Variants in MALRD1 observed in about 807,000 individuals in gnomAD.
MALRD1 encodes MAM and LDL-receptor class A domain-containing protein 1.
A neutral mutation model predicts 242.1 loss-of-function variants in MALRD1; 247 were observed. The observed-to-expected ratio is 1.02, with a 90% CI of 0.92 to 1.13. The LOEUF (loss-of-function observed/expected upper bound fraction) is 1.13. Among genes scored for constraint, MALRD1 ranks in the 50% most tolerant of loss-of-function variants. The probability of loss-of-function intolerance (pLI) is 0.00; values close to 1 mark genes in which losing one functional copy is unlikely to be tolerated. For synonymous variants in MALRD1, 995 were observed against 866.6 expected (o/e 1.15, Z -2.60); for missense variants, 2,989 against 2,533.1 (o/e 1.18, Z -3.86).
chr10:19,185,419 GA>G (rs142717071), intron 14 of MALRD1, among the ~76,000 whole-genome samples: 57 of 146,528 alleles, frequency 3.9e-4, no homozygotes, highest in African/African-American at 1.1e-3. Context: ...CTACTCATGA[GA>G]AAAAAAAAAC....
intron 1 of MALRD1, among the ~76,000 whole-genome samples, chr10:19,053,755 C>T (rs555862271): frequency 9.9e-5 from 15 of 151,720 alleles, no homozygotes; most frequent in East Asian, 3.9e-4. Context: ...GTATTCCACA[C>T]GCAGTCTTTT....
rs1839135197 is a variant in MALRD1 at position 19,615,920 on chromosome 10, G to T, written c.6134G>T (p.Cys2045Phe). 2.0e-6 allele frequency: 3 copies of T among 1,525,614 alleles called. No homozygotes were observed. Among genetic ancestry groups the T allele is most frequent in the Non-Finnish European group, 2.6e-6 (3 of 1,142,206 alleles). 94.5% of individuals were successfully genotyped at this position (1,525,614 alleles called of 1,614,324 possible). A position where few individuals can be genotyped will look rare whatever the true frequency, so the allele number is the denominator to read the frequency against. Reference sequence around the variant, plus strand: ...GTAGTGGAGAAAAATGGTCCTATGTGTCGGTAAGAAGCATTGTTTAATTTT... The same window carrying T: ...GTAGTGGAGAAAAATGGTCCTATGTTTCGGTAAGAAGCATTGTTTAATTTT... ...TCVVEKNGPM[C>F]RCRQGWKGNR... The change falls in exon 36 of 40, where the codon TGT becomes TTT. Residue 2045 changes from cysteine to phenylalanine, a missense_variant. Coordinates refer to ENST00000454679, the MANE Select transcript of MALRD1 (RefSeq NM_001142308.3).
At chr10:19,072,918 C>T (rs369515913) in intron 2 of MALRD1, among the ~76,000 whole-genome samples, 1 of 151,854 alleles carries the variant, frequency 6.6e-6, no homozygotes, top group Non-Finnish European at 1.5e-5. Context: ...ACCTTCCCCC[C>T]CTTTTTTTTC....
intron 24 of MALRD1, among the ~76,000 whole-genome samples, chr10:19,339,390 G>A (rs1407616887): frequency 2.0e-5 from 3 of 152,026 alleles, no homozygotes; most frequent in East Asian, 1.9e-4. Flanking sequence ...GCCAATTCAC[G>A]TTTTCAACAT....
chr10:19,700,059 C>T (rs929503670), intron 38 of MALRD1, among the ~76,000 whole-genome samples: 1 of 150,236 alleles, frequency 6.7e-6, no homozygotes, highest in African/African-American at 2.5e-5. Context: ...CACACACACA[C>T]ACGAAATCAT....
intron 38 of MALRD1, among the ~76,000 whole-genome samples, chr10:19,703,573 C>G (rs751115740): frequency 6.6e-6 from 1 of 152,168 alleles, no homozygotes; most frequent in Non-Finnish European, 1.5e-5. Context: ...ATGTAATCAT[C>G]AAATCTATAT....
intron 28 of MALRD1, among the ~76,000 whole-genome samples, chr10:19,433,159 A>T (rs1304155612): frequency 2.6e-5 from 4 of 152,204 alleles, no homozygotes; most frequent in Admixed American, 6.5e-5. Context: ...CATACCAGGG[A>T]AAACTGTATA....
upstream of MALRD1, among the ~76,000 whole-genome samples, chr10:19,047,173 AG>A (rs1288993974): frequency 6.6e-6 from 1 of 152,190 alleles, no homozygotes; most frequent in Non-Finnish European, 1.5e-5. Context: ...AATACCAGAC[AG>A]GGTGATTAAT....
In MALRD1 at chr10:19,431,403, A is replaced by G. The variant is rs557599541; in HGVS notation, c.4846-18904A>G. On this transcript the variant is annotated intron_variant, in intron 28 of 39. Transcript: ENST00000454679. ...TTGTATATTGTTAAGGAAATACAAA[A>G]TAGCTTTTCTATTTTGGAGAATCCA... 1.1e-4 allele frequency among the ~76,000 whole-genome samples: 17 copies of G among 152,324 alleles called. No individual in the cohort carries two copies. In the East Asian group the frequency reaches 3.3e-3, roughly 29 times the overall value.
chr10:19,695,905 G>C (rs1833357248), intron 38 of MALRD1, among the ~76,000 whole-genome samples: 1 of 152,074 alleles, frequency 6.6e-6, no homozygotes, highest in South Asian at 2.1e-4. Flanking sequence ...GATCTTGTGA[G>C]ACGTAATCAC....
chr10:19,716,158 ATATAT>A (rs1156340467), intron 38 of MALRD1, among the ~76,000 whole-genome samples: 1 of 152,240 alleles, frequency 6.6e-6, no homozygotes, highest in Non-Finnish European at 1.5e-5. Flanking sequence ...ATTTGTTGAA[ATATAT>A]TAAACACATT....
At chr10:19,072,202 C>T (rs550371644) in intron 2 of MALRD1, among the ~76,000 whole-genome samples, 4 of 152,240 alleles carry the variant, frequency 2.6e-5, no homozygotes, top group Non-Finnish European at 5.9e-5. Flanking sequence ...AAATTTCCAT[C>T]GAACAACTCA....
At chr10:19,134,058 G>A (rs1833226351) in intron 9 of MALRD1, 110 bp downstream of exon 9, 4 of 434,734 alleles carry the variant, frequency 9.2e-6, no homozygotes, top group Non-Finnish European at 7.5e-6. Flanking sequence ...AGTTAGGGAT[G>A]CGTGCTTGTA....
chr10:19,694,565 A>G (rs1207785097), intron 38 of MALRD1, among the ~76,000 whole-genome samples: 2 of 152,222 alleles, frequency 1.3e-5, no homozygotes, highest in Non-Finnish European at 2.9e-5. Flanking sequence ...TTAAAAAGTC[A>G]GGAAACAGCA....
At chr10:19,212,150 A>C (rs1414687762) in intron 18 of MALRD1, among the ~76,000 whole-genome samples, 1 of 152,148 alleles carries the variant, frequency 6.6e-6, no homozygotes, top group South Asian at 2.1e-4. Flanking sequence ...AAAAATATTG[A>C]AAGTTTAGAA....
At chr10:19,176,264 A>G (rs1835226266) in intron 14 of MALRD1, among the ~76,000 whole-genome samples, 1 of 151,864 alleles carries the variant, frequency 6.6e-6, no homozygotes, top group African/African-American at 2.4e-5. Context: ...ATCAAGAAAA[A>G]TTTGGGTCAC....
chr10:19,609,777 G>C (rs78847265), intron 35 of MALRD1, among the ~76,000 whole-genome samples: 26 of 152,180 alleles, frequency 1.7e-4, no homozygotes, highest in African/African-American at 6.3e-4. Flanking sequence ...TAAACTGAAA[G>C]TGTTTTTCTA....
intron 2 of MALRD1, among the ~76,000 whole-genome samples, chr10:19,076,269 C>CT (rs1400551640): frequency 6.6e-6 from 1 of 151,818 alleles, no homozygotes; most frequent in East Asian, 1.9e-4. Context: ...CATCATCTAT[C>CT]TATCTATCTA....
At chr10:19,680,784 C>T (rs1391255661) in intron 36 of MALRD1, among the ~76,000 whole-genome samples, 4 of 152,120 alleles carry the variant, frequency 2.6e-5, no homozygotes, top group African/African-American at 9.7e-5. Flanking sequence ...ACAGTTTTTC[C>T]TTTCCATATT....
Sources: gnomAD v4.1 joint callset for allele counts (sites outside exome capture counted in the v4.1 genomes callset) on GRCh38, gnomAD v4.1.1 for gene constraint, MANE v1.5 for transcripts, NCBI Gene and HGNC (gene_info 2026-07-23, HGNC 2026-07-21) for gene names.